ARHGAP42: variants seen among roughly 807,000 people sequenced by gnomAD.
The protein encoded by ARHGAP42 is rho GTPase-activating protein 42.
A neutral mutation model predicts 125.0 loss-of-function variants in ARHGAP42; 63 were observed. The observed-to-expected ratio is 0.50, with a 90% confidence interval of 0.41 to 0.62. ARHGAP42 has a LOEUF of 0.62. Among genes scored for constraint, ARHGAP42 ranks in the 20% least tolerant of loss-of-function variants. ARHGAP42 has a pLI of 0.00. For missense variants in ARHGAP42, 766 were observed against 1,024.2 expected (o/e 0.75, Z 3.44); for synonymous variants, 339 against 351.0 (o/e 0.97, Z 0.38).
At position 100,710,545 on chromosome 11, in the gene ARHGAP42, T is replaced by TTG. The variant is rs1476554284; in HGVS notation, c.154+22714_154+22715insGT. ...CACTGCGCCCGGCCAGCAGTTTTTT[T>TTG]TTTTTTTTTTTTGAGACAGAGTCTC... On this transcript the variant is annotated intron_variant, in intron 1 of 23. Transcript: ENST00000298815. 1.6e-5 allele frequency among the ~76,000 whole-genome samples: 2 copies of TTG among 128,308 alleles called. 1 individual carries two copies. The allele number at this position is 128,308 out of a possible 152,430, so 84.2% of individuals were successfully genotyped here.
intron 1 of ARHGAP42, among the ~76,000 whole-genome samples, chr11:100,712,141 G>C (rs1414973731): frequency 6.6e-6 from 1 of 151,924 alleles, no homozygotes; most frequent in Non-Finnish European, 1.5e-5. Context: ...GAGTTTTTTC[G>C]GGAACACACC....
rs1044790191 is a variant in ARHGAP42 at position 100,786,412 on chromosome 11, A to C, written c.251-8693A>C. 1.6e-4 allele frequency among the ~76,000 whole-genome samples: 24 copies of C among 152,258 alleles called. 1 individual carries two copies. The highest frequency in any genetic ancestry group is 3.3e-4 in the Admixed American group (5 of 15,284). On this transcript the variant is annotated intron_variant, in intron 2 of 23. Transcript: ENST00000298815. ...GTGGGAAGAAGTCTAGGGAAAAGGC[A>C]GCAGAAATTAAGTTTTGAAATTGTG...
chr11:100,881,007 T>C (rs1865947829), intron 4 of ARHGAP42, among the ~76,000 whole-genome samples: 1 of 152,082 alleles, frequency 6.6e-6, no homozygotes, highest in Non-Finnish European at 1.5e-5. Flanking sequence ...TTTGTATAGA[T>C]TGTGAAGATT....
At chr11:100,804,545 A>T (rs961096066) in intron 3 of ARHGAP42, among the ~76,000 whole-genome samples, 13 of 149,972 alleles carry the variant, frequency 8.7e-5, no homozygotes, top group African/African-American at 2.2e-4. Context: ...TTTAATTTTT[A>T]AATTTTTTTT....
rs145378985 is a variant in ARHGAP42 at position 100,934,247 on chromosome 11, A to G, written c.702+987A>G. Among the ~76,000 whole-genome samples the G allele has an allele frequency of 3.3e-3, 503 of 152,336 alleles. 6 individuals are homozygous for G. Among genetic ancestry groups the G allele is most frequent in the Admixed American group, 5.8e-3 (88 of 15,304 alleles). The stretch of plus-strand genomic sequence containing the variant: ...TGAATGTGGTTTCGAGGCATTCAAA[A>G]TAACTGCTTTAAAACATAAGTGAGA... On this transcript the variant is annotated intron_variant, in intron 7 of 23. Coordinates refer to ENST00000298815, the MANE Select transcript of ARHGAP42 (RefSeq NM_152432.4).
chr11:100,857,810 A>C (rs1027906343), intron 3 of ARHGAP42, among the ~76,000 whole-genome samples: 2 of 152,018 alleles, frequency 1.3e-5, no homozygotes, highest in Admixed American at 6.6e-5. Flanking sequence ...CCTGCTATGC[A>C]TCTGTCAATA....
intron 4 of ARHGAP42, among the ~76,000 whole-genome samples, chr11:100,879,555 G>C (rs1471109865): frequency 6.6e-6 from 1 of 152,174 alleles, no homozygotes; most frequent in Admixed American, 6.5e-5. Context: ...GGTTTCTCTT[G>C]GGACAGAAGG....
chr11:100,927,359 G>A (rs558631347), intron 6 of ARHGAP42, among the ~76,000 whole-genome samples: 148 of 152,036 alleles, frequency 9.7e-4, no homozygotes, highest in African/African-American at 3.4e-3. Context: ...ATTGTTTTTC[G>A]AAACTCTGTA....
intron 6 of ARHGAP42, among the ~76,000 whole-genome samples, chr11:100,931,292 T>C (rs1027799027): frequency 3.9e-5 from 6 of 152,222 alleles, no homozygotes; most frequent in Non-Finnish European, 8.8e-5. Context: ...AGCCATGGCA[T>C]AGCAATTTGA....
chr11:100,896,569 T>A (rs2135200503), intron 4 of ARHGAP42, among the ~76,000 whole-genome samples: 2 of 152,352 alleles, frequency 1.3e-5, no homozygotes, highest in South Asian at 4.1e-4. Context: ...TGCTTTTGAT[T>A]TGCATTTCTC....
intron 1 of ARHGAP42, among the ~76,000 whole-genome samples, chr11:100,756,727 G>A (rs1862586344): frequency 1.3e-5 from 2 of 152,192 alleles, no homozygotes; most frequent in South Asian, 4.1e-4. Context: ...ACAGCCAGAC[G>A]TAGTTGCACA....
At chr11:100,722,682 C>T (rs933755064) in intron 1 of ARHGAP42, among the ~76,000 whole-genome samples, 1 of 152,234 alleles carries the variant, frequency 6.6e-6, no homozygotes, top group African/African-American at 2.4e-5. Flanking sequence ...AGCCACCGCG[C>T]AAATTTTATT....
At chr11:100,837,664 TC>T (rs1565235431) in intron 3 of ARHGAP42, among the ~76,000 whole-genome samples, 1 of 106,336 alleles carries the variant, frequency 9.4e-6, no homozygotes, top group Non-Finnish European at 1.8e-5. Context: ...CTAGGTGTCA[TC>T]CTTTTTTTTT....
At chr11:100,981,814 T>A (rs1858551869) in intron 22 of ARHGAP42, among the ~76,000 whole-genome samples, 1 of 152,092 alleles carries the variant, frequency 6.6e-6, no homozygotes, top group South Asian at 2.1e-4. Context: ...GCTGTTTTGA[T>A]ATTGGGAATC....
chr11:100,868,407 T>C (rs374420728), intron 4 of ARHGAP42, among the ~76,000 whole-genome samples: 3 of 152,342 alleles, frequency 2.0e-5, no homozygotes, highest in South Asian at 2.1e-4. Flanking sequence ...GTTAACCAGA[T>C]GTTGCCTTAA....
In ARHGAP42 at chr11:100,775,205, C is replaced by A. The variant is rs952110195; in HGVS notation, c.250+4767C>A. On this transcript the variant is annotated intron_variant, in intron 2 of 23. Coordinates refer to ENST00000298815, the MANE Select transcript of ARHGAP42 (RefSeq NM_152432.4). ...ACATAACTTCCCACAGCTGCACTAA[C>A]TGCCCACTTTTTATTTGGCTTTGGT... Among the ~76,000 whole-genome samples the A allele has an allele frequency of 3.3e-5, 5 of 152,196 alleles. 1 individual carries two copies. In the South Asian group the frequency reaches 1.0e-3, roughly 31 times the overall value.
chr11:100,938,838 T>G (rs1418969890), intron 8 of ARHGAP42, among the ~76,000 whole-genome samples: 1 of 152,228 alleles, frequency 6.6e-6, no homozygotes, highest in Non-Finnish European at 1.5e-5. Context: ...ACCAGTTTAC[T>G]AAGATGTATC....
At chr11:100,730,836 A>T (rs1861944625) in intron 1 of ARHGAP42, among the ~76,000 whole-genome samples, 1 of 152,232 alleles carries the variant, frequency 6.6e-6, no homozygotes, top group South Asian at 2.1e-4. Flanking sequence ...CCTAGGCTAC[A>T]AACCTGTACA....
At chr11:100,739,153 T>G (rs574096142) in intron 1 of ARHGAP42, among the ~76,000 whole-genome samples, 1 of 144,518 alleles carries the variant, frequency 6.9e-6, no homozygotes, top group African/African-American at 2.5e-5. Context: ...TCTTTTTTTT[T>G]GTTTTTGTTT....
Sources: gnomAD v4.1 joint callset for allele counts (sites outside exome capture counted in the v4.1 genomes callset) on GRCh38, gnomAD v4.1.1 for gene constraint, MANE v1.5 for transcripts, NCBI Gene and HGNC (gene_info 2026-07-23, HGNC 2026-07-21) for gene names.